OR2A25: variants seen among roughly 807,000 people sequenced by gnomAD.
OR2A25 encodes the protein olfactory receptor family 2 subfamily A member 25.
For missense variants in OR2A25, 362 were observed against 368.3 expected (o/e 0.98, Z 0.14); for synonymous variants, 162 against 148.1 (o/e 1.09, Z -0.68).
At chr7:144,071,392 A>G (rs1364532963) in intron 1 of OR2A25, among the ~76,000 whole-genome samples, 1 of 152,136 alleles carries the variant, frequency 6.6e-6, no homozygotes, top group Non-Finnish European at 1.5e-5. Context: ...CACTGTGTAT[A>G]TGTACCACAT....
rs756222125 is a variant in OR2A25, at chr7:144,075,014, C to A, written c.795C>A (p.Ser265Arg). The A allele has an allele frequency of 5.0e-6, 8 of 1,614,094 alleles. No homozygotes were observed. The highest frequency in any genetic ancestry group is 1.6e-4 in the Middle Eastern group (1 of 6,062). ...TGTATGTTGAGCCCCAGTATGAGAG[C>A]CCCAAGGAGCAGAAGAAATATCTCC... The part of the protein sequence containing the change: ...IIMYVEPQYE[S>R]PKEQKKYLLL... The change falls in exon 2 of 2, where the codon AGC becomes AGA. Residue 265 changes from serine to arginine, a missense_variant. Physicochemically the swap from Ser to Arg is moderately radical, Grantham distance 110 (BLOSUM62 -1). Transcript: ENST00000641663.
At position 144,074,794 on chromosome 7, in the gene OR2A25, A is replaced by T; in HGVS notation, c.575A>T (p.His192Leu). The change falls in exon 2 of 2, where the codon CAC becomes CTC. Residue 192 changes from histidine to leucine, a missense_variant. Transcript: ENST00000641663. ...AVLKLACADT[H>L]INEVMVLAGA... is the part of the protein sequence containing the mutation. ...CTCAAACTTGCCTGTGCGGATACCC[A>T]CATTAATGAGGTAATGGTTTTGGCA... 1.9e-6 allele frequency: 3 copies of T among 1,614,132 alleles called. No homozygotes were observed. The highest frequency in any genetic ancestry group is 1.7e-5 in the Admixed American group (1 of 60,008).
rs371674220 is a variant in OR2A25 at position 144,075,230 on chromosome 7, A to G, written c.*78A>G. On this transcript the variant is annotated 3_prime_UTR_variant, in exon 2 of 2. Transcript: ENST00000641663. ...CTGAACCCATCCCTACTCAGGATAC[A>G]TAATCACACTCTAGAGAACCCTTTC... The G allele has an allele frequency of 1.7e-4, 172 of 997,126 alleles. No homozygotes were observed. In the African/African-American group the frequency reaches 2.4e-3, roughly 14 times the overall value. 61.8% of individuals were successfully genotyped at this position (997,126 alleles called of 1,614,324 possible).
Position 144,075,005 on chromosome 7 carries a change from G to A in OR2A25, c.786G>A (p.Gln262=). Residue 262 remains glutamine (Q), a synonymous_variant, in exon 2 of 2, where the codon CAG becomes CAA. Coordinates refer to ENST00000641663, the MANE Select transcript of OR2A25 (RefSeq NM_001386096.1). ...GTAIIMYVEP[Q]YESPKEQKKY... is the part of the protein sequence containing the mutation. ...CCATCATCATGTATGTTGAGCCCCA[G>A]TATGAGAGCCCCAAGGAGCAGAAGA... 1 of 1,614,178 alleles carries A rather than the reference G, an allele frequency of 6.2e-7. No homozygotes were observed.
chr7:144,071,296 T>TG (rs2051064947), intron 1 of OR2A25, among the ~76,000 whole-genome samples: 1 of 152,108 alleles, frequency 6.6e-6, no homozygotes, highest in South Asian at 2.1e-4. Flanking sequence ...GCCTGGCTTA[T>TG]TTAATTTAAC....
chr7:144,075,501 AC>A lies in OR2A25; in HGVS notation c.*350del, dbSNP rs1335964427. The A allele has an allele frequency of 5.9e-6, 1 of 168,658 alleles. No homozygotes were observed. Among genetic ancestry groups the A allele is most frequent in the Non-Finnish European group, 1.3e-5 (1 of 78,508 alleles). 10.4% of individuals were successfully genotyped at this position (168,658 alleles called of 1,614,324 possible). On this transcript the variant is annotated 3_prime_UTR_variant, in exon 2 of 2. Coordinates refer to ENST00000641663, the MANE Select transcript of OR2A25 (RefSeq NM_001386096.1). ...AATAAGGATATGGGAGTTAGGAGAG[AC>A]TGATAACAAAGTCATTATTTAATTA...
chr7:144,074,627 C>T lies in OR2A25; in HGVS notation c.408C>T (p.Thr136=). ...CHPLRYSTIM[T]WKVCITLALT... The stretch of plus-strand genomic sequence containing the variant: ...CTCTCCGATATTCTACCATCATGAC[C>T]TGGAAAGTCTGCATCACTTTGGCAT... Residue 136 remains threonine (T), a synonymous_variant, in exon 2 of 2, where the codon ACC becomes ACT. Coordinates refer to ENST00000641663, the MANE Select transcript of OR2A25 (RefSeq NM_001386096.1). The T allele has an allele frequency of 6.2e-7, 1 of 1,614,222 alleles. No individual in the cohort carries two copies. The highest frequency in any genetic ancestry group is 8.5e-7 in the Non-Finnish European group (1 of 1,180,052).
At position 144,075,289 on chromosome 7, in the gene OR2A25, G is replaced by A. The variant is rs1323685037; in HGVS notation, c.*137G>A. ...TGAAATTTTCCTATGACTACCTCCC[G>A]AGAAAGCCCATTCTGCTTTCCTCTC... On this transcript the variant is annotated 3_prime_UTR_variant, in exon 2 of 2. Coordinates refer to ENST00000641663, the MANE Select transcript of OR2A25 (RefSeq NM_001386096.1). 4.6e-6 allele frequency: 3 copies of A among 650,440 alleles called. No individual in the cohort carries two copies. Among genetic ancestry groups the A allele is most frequent in the African/African-American group, 1.8e-5 (1 of 55,054 alleles). 40.3% of individuals were successfully genotyped at this position (650,440 alleles called of 1,614,324 possible).
At chr7:144,071,419 T>A (rs1218094166) in intron 1 of OR2A25, among the ~76,000 whole-genome samples, 1 of 152,186 alleles carries the variant, frequency 6.6e-6, no homozygotes, top group East Asian at 1.9e-4. Flanking sequence ...TATCCATTCA[T>A]CTGTTGATGG....
chr7:144,072,143 T>A (rs1378181892), intron 1 of OR2A25, among the ~76,000 whole-genome samples: 1 of 152,126 alleles, frequency 6.6e-6, no homozygotes. Flanking sequence ...ATGAAATCTT[T>A]CAAATATTAC....
Position 144,074,316 on chromosome 7 carries a change from T to A in OR2A25, c.97T>A (p.Phe33Ile). The part of the protein sequence containing the change: ...QMLLFGLFSL[F>I]YIFILLGNGT... Reference sequence around the variant, plus strand: ...GCTCCTCTTTGGGCTCTTCTCCCTGTTCTACATCTTCATTCTGTTGGGGAA... The same window carrying A: ...GCTCCTCTTTGGGCTCTTCTCCCTGATCTACATCTTCATTCTGTTGGGGAA... The change falls in exon 2 of 2, where the codon TTC becomes ATC. Residue 33 changes from phenylalanine (F) to isoleucine (I), a missense_variant. Phe to Ile is a conservative substitution (Grantham distance 21, BLOSUM62 0). Transcript: ENST00000641663. 1 of 1,614,028 alleles carries A rather than the reference T, an allele frequency of 6.2e-7. No individual in the cohort carries two copies.
chr7:144,075,047 T>A lies in OR2A25; in HGVS notation c.828T>A (p.Phe276Leu). ...AGCAGAAGAAATATCTCCTGCTGTT[T>A]CACAGCCTCTTCAATCCCATGCTTA... is the stretch of plus-strand genomic sequence containing the variant. The part of the protein sequence containing the change: ...PKEQKKYLLL[F>L]HSLFNPMLNP... The change falls in exon 2 of 2, where the codon TTT becomes TTA. Residue 276 changes from phenylalanine (F) to leucine (L), a missense_variant. Transcript: ENST00000641663. 6.2e-7 allele frequency: 1 copy of A among 1,614,080 alleles called. No individual in the cohort carries two copies. Among genetic ancestry groups the A allele is most frequent in the South Asian group, 1.1e-5 (1 of 91,078 alleles).
At chr7:144,070,430 T>C (rs1010250215) in intron 1 of OR2A25, 3 of 152,126 alleles carry the variant, frequency 2.0e-5, no homozygotes, top group Admixed American at 6.5e-5. Context: ...TATTATACAA[T>C]TTCAGAAGCA....
At position 144,071,016 on chromosome 7, in the gene OR2A25, T is replaced by A. The variant is rs1047222719; in HGVS notation, c.-5+1120T>A. 2.6e-5 allele frequency among the ~76,000 whole-genome samples: 4 copies of A among 152,132 alleles called. 1 individual carries two copies. Among genetic ancestry groups the A allele is most frequent in the Non-Finnish European group, 5.9e-5 (4 of 68,000 alleles). ...AATGTAATCCAATTACATTCTTTAATGTGAATGTAAAGAATTACATTCTTT... is the reference window on the plus strand; with the variant it reads ...AATGTAATCCAATTACATTCTTTAAAGTGAATGTAAAGAATTACATTCTTT... On this transcript the variant is annotated intron_variant, in intron 1 of 1. Coordinates refer to ENST00000641663, the MANE Select transcript of OR2A25 (RefSeq NM_001386096.1).
At chr7:144,071,463 A>C (rs1313867933) in intron 1 of OR2A25, among the ~76,000 whole-genome samples, 1 of 152,078 alleles carries the variant, frequency 6.6e-6, no homozygotes, top group African/African-American at 2.4e-5. Flanking sequence ...TAGCTATTGT[A>C]AACAGTGCTG....
chr7:144,073,792 C>T (rs539478120), intron 1 of OR2A25, among the ~76,000 whole-genome samples: 3 of 152,304 alleles, frequency 2.0e-5, no homozygotes, highest in African/African-American at 7.2e-5. Context: ...GTCATCATCC[C>T]TCTTTCTATC....
intron 1 of OR2A25, 80 bp from the exon 2 acceptor site, chr7:144,074,136 C>A: frequency 1.6e-6 from 2 of 1,274,800 alleles, no homozygotes; most frequent in Non-Finnish European, 1.1e-6. Flanking sequence ...AACACTCAAA[C>A]AATAATATGT....
chr7:144,071,673 C>A (rs552049826), intron 1 of OR2A25, among the ~76,000 whole-genome samples: 13 of 152,160 alleles, frequency 8.5e-5, no homozygotes, highest in African/African-American at 2.9e-4. Flanking sequence ...TCAGTTAATA[C>A]CTGTGGATTT....
intron 1 of OR2A25, among the ~76,000 whole-genome samples, chr7:144,072,140 C>A (rs1315632616): frequency 6.6e-6 from 1 of 152,024 alleles, no homozygotes; most frequent in Non-Finnish European, 1.5e-5. Context: ...CTGATGAAAT[C>A]TTTCAAATAT....
Sources: allele counts gnomAD v4.1 joint callset (sites outside exome capture counted in the v4.1 genomes callset), GRCh38; gene constraint gnomAD v4.1.1; transcripts MANE v1.5; gene names NCBI Gene and HGNC (gene_info 2026-07-23, HGNC 2026-07-21).